BCL11A: variants seen among roughly 807,000 people sequenced by gnomAD.
BCL11A encodes B cell CLL/lymphoma 11A.
In BCL11A, 2 loss-of-function variants were observed where a neutral mutation model predicts 55.9. That is an observed-to-expected ratio of 0.04 (90% CI 0.01 to 0.11). The LOEUF (loss-of-function observed/expected upper bound fraction) is 0.11, where lower values mean the gene tolerates loss of function less well. Among genes scored for constraint, BCL11A ranks in the 10% least tolerant of loss-of-function variants. BCL11A has a pLI of 1.00. For missense variants in BCL11A, 817 were observed against 1,137.1 expected, an observed-to-expected ratio of 0.72 and a Z score of 4.05; for synonymous variants, 465 against 473.4, an observed-to-expected ratio of 0.98 and a Z score of 0.23.
intron 2 of BCL11A, among the ~76,000 whole-genome samples, chr2:60,540,301 CA>C (rs926106896): frequency 3.3e-5 from 5 of 152,262 alleles, no homozygotes; most frequent in African/African-American, 1.2e-4. Context: ...TTTTATTGCA[CA>C]AAGCTGGTAC....
intron 2 of BCL11A, among the ~76,000 whole-genome samples, chr2:60,497,108 T>C (rs1373955879): frequency 6.6e-6 from 1 of 152,248 alleles, no homozygotes; most frequent in Non-Finnish European, 1.5e-5. Context: ...CAACCAATTC[T>C]AATTCCCTTT....
rs1297578685 is a variant in BCL11A, at chr2:60,546,458, A to G, written c.56-158T>C. 1.5e-6 allele frequency: 1 copy of G among 659,942 alleles called. No homozygotes were observed. Among genetic ancestry groups the G allele is most frequent in the East Asian group, 2.8e-5 (1 of 36,210 alleles). 40.9% of individuals were successfully genotyped at this position (659,942 alleles called of 1,614,324 possible). On this transcript the variant is annotated intron_variant, in intron 1 of 3. Coordinates refer to ENST00000642384, the MANE Select transcript of BCL11A (RefSeq NM_022893.4). The surrounding 1 kb of genome is among the most constrained non-coding windows in gnomAD (Gnocchi z 4.1). ...AAAATGTGAGCATACAAAAAGTACA[A>G]GGATGTGAAGGTTATCAACCAGAGA... is the stretch of plus-strand genomic sequence containing the variant.
chr2:60,459,944 C>T lies in BCL11A; in HGVS notation c.*460G>A. 9.4e-7 allele frequency: 1 copy of T among 1,062,874 alleles called. No homozygotes were observed. The highest frequency in any genetic ancestry group is 1.1e-6 in the Non-Finnish European group (1 of 877,802). The allele number at this position is 1,062,874 out of a possible 1,614,324, so 65.8% of individuals were successfully genotyped here. A position where few individuals can be genotyped will look rare whatever the true frequency, so the allele number is the denominator to read the frequency against. ...TGCAGCATGGTCTTTTTCTCTCTCT[C>T]TCTCTTTTTCTCTCAGAACGGAACT... On this transcript the variant is annotated 3_prime_UTR_variant, in exon 4 of 4. Coordinates refer to ENST00000642384, the MANE Select transcript of BCL11A (RefSeq NM_022893.4).
chr2:60,492,990 C>G (rs1219902196), intron 2 of BCL11A, among the ~76,000 whole-genome samples: 1 of 152,334 alleles, frequency 6.6e-6, no homozygotes, highest in East Asian at 1.9e-4. Flanking sequence ...ATCCCCTTCC[C>G]TAACCCTCTG....
downstream of BCL11A, chr2:60,452,448 C>CT (rs1675762165): frequency 1.4e-5 from 11 of 781,746 alleles, no homozygotes; most frequent in East Asian, 2.0e-4. Flanking sequence ...CTGCAGGACT[C>CT]TGTCTTCGCA....
chr2:60,451,354 T>TTA (rs1343057080), exon 5 of BCL11A: 1 of 228,136 alleles, frequency 4.4e-6, no homozygotes, highest in Non-Finnish European at 8.7e-6. Flanking sequence ...CAAACCTATT[T>TTA]TAATTTGCTA....
chr2:60,529,037 G>A (rs1053664282), intron 2 of BCL11A, among the ~76,000 whole-genome samples: 5 of 152,266 alleles, frequency 3.3e-5, no homozygotes, highest in African/African-American at 4.8e-5. Flanking sequence ...CAAGCCTCTC[G>A]TAAGGCAACA....
At chr2:60,517,276 T>C (rs1668772596) in intron 2 of BCL11A, among the ~76,000 whole-genome samples, 1 of 152,078 alleles carries the variant, frequency 6.6e-6, no homozygotes, top group South Asian at 2.1e-4. Context: ...TCTCCAGTTA[T>C]CTGAATAAAA....
At chr2:60,521,289 T>G (rs1668980976) in intron 2 of BCL11A, among the ~76,000 whole-genome samples, 1 of 152,228 alleles carries the variant, frequency 6.6e-6, no homozygotes, top group Non-Finnish European at 1.5e-5. Context: ...GATAACTGAG[T>G]GACACTTGCT....
chr2:60,550,127 T>G (rs1324353100), intron 1 of BCL11A, among the ~76,000 whole-genome samples: 1 of 151,874 alleles, frequency 6.6e-6, no homozygotes, highest in Non-Finnish European at 1.5e-5. Flanking sequence ...AGTGCAAACT[T>G]GCCATATCCC....
intron 1 of BCL11A, among the ~76,000 whole-genome samples, chr2:60,550,311 G>T (rs141412496): frequency 6.6e-6 from 1 of 152,238 alleles, no homozygotes; most frequent in South Asian, 2.1e-4. Context: ...CCGCGGCCCC[G>T]GCCAGAAGCA....
chr2:60,460,884 G>A lies in BCL11A; in HGVS notation c.2028C>T (p.Phe676=), dbSNP rs764766902. The A allele has an allele frequency of 1.4e-5, 22 of 1,613,090 alleles. No homozygotes were observed. The East Asian group carries it at 2.2e-4, about 16-fold the overall frequency. ...CAAAAGGCGATTGTCTGGAGTCTCCGAAGCTAAGGAAGGGATCTTTGAGCT... is the reference window on the plus strand; with the variant it reads ...CAAAAGGCGATTGTCTGGAGTCTCCAAAGCTAAGGAAGGGATCTTTGAGCT... ...SRQLKDPFLS[F]GDSRQSPFAS... The change falls in exon 4 of 4, where the codon TTC becomes TTT. Residue 676 remains phenylalanine, a synonymous_variant. Coordinates refer to ENST00000642384, the MANE Select transcript of BCL11A (RefSeq NM_022893.4).
At chr2:60,463,930 A>C (rs1256109268) in intron 3 of BCL11A, among the ~76,000 whole-genome samples, 1 of 152,140 alleles carries the variant, frequency 6.6e-6, no homozygotes, top group Non-Finnish European at 1.5e-5. Context: ...AGGAAAAAAA[A>C]AAAAAATCTA....
intron 2 of BCL11A, chr2:60,527,464 C>A (rs1380746228): frequency 6.6e-6 from 1 of 152,346 alleles, no homozygotes; most frequent in South Asian, 2.1e-4. Context: ...GCTTGCATGA[C>A]CTCCATTGAG....
At chr2:60,482,333 A>G (rs1482787783) in intron 2 of BCL11A, among the ~76,000 whole-genome samples, 1 of 152,112 alleles carries the variant, frequency 6.6e-6, no homozygotes, top group Non-Finnish European at 1.5e-5. Context: ...AGGCTGATAC[A>G]TGGAGCAGAG....
chr2:60,466,637 A>G (rs1379580685), intron 3 of BCL11A, among the ~76,000 whole-genome samples: 5 of 152,252 alleles, frequency 3.3e-5, no homozygotes, highest in Non-Finnish European at 2.9e-5. Flanking sequence ...ATCTGGTCTC[A>G]GGGTGCATGC....
intron 2 of BCL11A, chr2:60,526,864 GCATT>G (rs1669226012): frequency 6.6e-6 from 1 of 152,208 alleles, no homozygotes; most frequent in African/African-American, 2.4e-5. Flanking sequence ...CCCAGCCAAC[GCATT>G]CTTAAGCGGG....
downstream of BCL11A, among the ~76,000 whole-genome samples, chr2:60,456,719 G>C (rs553046494): frequency 5.6e-4 from 85 of 152,044 alleles, no homozygotes; most frequent in African/African-American, 1.7e-3. Flanking sequence ...TTTGTTATGA[G>C]AAAAGACTCT....
intron 2 of BCL11A, among the ~76,000 whole-genome samples, chr2:60,496,855 T>C (rs1362153723): frequency 6.6e-6 from 1 of 152,174 alleles, no homozygotes; most frequent in African/African-American, 2.4e-5. Flanking sequence ...TCACTGGATG[T>C]CACAGTCATA....
Sources: gnomAD v4.1 joint callset for allele counts (sites outside exome capture counted in the v4.1 genomes callset) on GRCh38, gnomAD v4.1.1 for gene constraint, Gnocchi (gnomAD v3.1) non-coding constraint, MANE v1.5 for transcripts, NCBI Gene and HGNC (gene_info 2026-07-23, HGNC 2026-07-21) for gene names.